C5orf22: variants seen among roughly 807,000 people sequenced by gnomAD.
The protein encoded by C5orf22 is chromosome 5 open reading frame 22.
In C5orf22, 36 loss-of-function variants were observed where a neutral mutation model predicts 48.7. The observed-to-expected ratio is 0.74, with a 90% confidence interval of 0.57 to 0.98. The LOEUF (loss-of-function observed/expected upper bound fraction) is 0.98. C5orf22 is among the 50% of genes least tolerant of loss of function. The pLI is 0.00. For synonymous variants in C5orf22, 141 were observed against 180.8 expected, an observed-to-expected ratio of 0.78 and a Z score of 1.76; for missense variants, 486 against 521.9, an observed-to-expected ratio of 0.93 and a Z score of 0.67.
chr5:31,532,304 C>A lies in C5orf22; in HGVS notation c.-89C>A, dbSNP rs544789295. On this transcript the variant is annotated 5_prime_UTR_variant, in exon 1 of 9. Transcript: ENST00000325366. ...AACCGGGTGAGGGAGCGCTTCCGCC[C>A]GGAGAGAGCTGGCCGGGATGAGGCG... is the stretch of plus-strand genomic sequence containing the variant. 3 of 1,378,692 alleles carry A rather than the reference C, an allele frequency of 2.2e-6. No homozygotes were observed. Among genetic ancestry groups the A allele is most frequent in the Non-Finnish European group, 3.1e-6 (3 of 970,316 alleles). The allele number at this position is 1,378,692 out of a possible 1,614,324, so 85.4% of individuals were successfully genotyped here.
At position 31,535,827 on chromosome 5, in the gene C5orf22, C is replaced by G. The variant is rs200760829; in HGVS notation, c.311C>G (p.Ala104Gly). The G allele has an allele frequency of 2.5e-6, 4 of 1,613,512 alleles. No individual in the cohort carries two copies. In the Admixed American group the frequency reaches 5.0e-5, roughly 20 times the overall value. The change falls in exon 3 of 9, where the codon GCT (alanine) becomes GGT (glycine). Residue 104 changes from alanine to glycine, a missense_variant. By Grantham distance (60) the Ala-to-Gly change is moderately conservative (BLOSUM62 0). Coordinates refer to ENST00000325366, the MANE Select transcript of C5orf22 (RefSeq NM_018356.3). ...GTAATATGGTTTCATCCCACATGGG[C>G]TCAGCAGATCAGAGAGGGCAGACAC... Reference protein sequence around the residue: ...SHVIWFHPTWAQQIREGRHHF... With the variant: ...SHVIWFHPTWGQQIREGRHHF...
chr5:31,535,417 A>AT (rs1742012505), intron 2 of C5orf22, among the ~76,000 whole-genome samples: 1 of 152,204 alleles, frequency 6.6e-6, no homozygotes, highest in Non-Finnish European at 1.5e-5. Context: ...TTTTATATTT[A>AT]TTTATTTATT....
intron 7 of C5orf22, among the ~76,000 whole-genome samples, chr5:31,547,444 G>T (rs1287465467): frequency 6.6e-6 from 1 of 152,238 alleles, no homozygotes; most frequent in Non-Finnish European, 1.5e-5. Flanking sequence ...GGGACTCTCA[G>T]TGGGGATCCG....
At chr5:31,540,607 A>G (rs1742393184) in intron 4 of C5orf22, among the ~76,000 whole-genome samples, 1 of 152,222 alleles carries the variant, frequency 6.6e-6, no homozygotes, top group Admixed American at 6.5e-5. Context: ...CATGGCATTT[A>G]TATAGCAGAA....
chr5:31,548,086 G>A (rs1227758109), intron 7 of C5orf22, among the ~76,000 whole-genome samples: 7 of 152,164 alleles, frequency 4.6e-5, no homozygotes, highest in African/African-American at 1.7e-4. Flanking sequence ...CGGATCATTT[G>A]AGGCCAGGAG....
At chr5:31,548,477 A>G (rs1312855064) in intron 7 of C5orf22, 2 of 399,498 alleles carry the variant, frequency 5.0e-6, no homozygotes, top group Non-Finnish European at 9.9e-6. Flanking sequence ...AACAAGAGTC[A>G]CCTTTGTTCC....
chr5:31,544,011 C>G (rs760274514), intron 6 of C5orf22, among the ~76,000 whole-genome samples: 1 of 152,116 alleles, frequency 6.6e-6, no homozygotes, highest in African/African-American at 2.4e-5. Flanking sequence ...TCTCCCCAAA[C>G]CAACCATGAC....
chr5:31,541,545 C>A, intron 6 of C5orf22, 143 bp downstream of exon 6: 1 of 773,360 alleles, frequency 1.3e-6, no homozygotes, highest in Non-Finnish European at 2.1e-6. Context: ...CACTTGAGGC[C>A]AGGAGTTCCA....
chr5:31,535,973 T>C, intron 3 of C5orf22, 80 bp downstream of exon 3: 1 of 1,385,990 alleles, frequency 7.2e-7, no homozygotes, highest in Non-Finnish European at 1.0e-6. Context: ...ACTTCATAAG[T>C]CTCTGCACAC....
At chr5:31,534,543 C>T in intron 2 of C5orf22, 126 bp downstream of exon 2, 1 of 848,598 alleles carries the variant, frequency 1.2e-6, no homozygotes, top group East Asian at 2.6e-5. Context: ...GTCTTTTTGT[C>T]TTTTTCATTT....
In C5orf22 at chr5:31,538,265, C is replaced by T. The variant is rs759898149; in HGVS notation, c.383C>T (p.Thr128Ile). The T allele has an allele frequency of 2.3e-5, 37 of 1,590,320 alleles. No homozygotes were observed. Among genetic ancestry groups the T allele is most frequent in the Non-Finnish European group, 3.0e-5 (35 of 1,167,024 alleles). The change falls in exon 4 of 9, where the codon ACA becomes ATA. Residue 128 changes from threonine to isoleucine, a missense_variant. Thr to Ile is a moderately conservative substitution (Grantham distance 89). This residue lies in a region of C5orf22 where 408 missense variants were observed against 444.0 expected (regional missense o/e 0.92). Coordinates refer to ENST00000325366, the MANE Select transcript of C5orf22 (RefSeq NM_018356.3). ...CGTTTTTTCCTCTGATTCAGGGTTA[C>T]AAGTACAGATCATTATTTCCTAAGT... ...KDTSTTTIRV[T>I]STDHYFLSDG...
chr5:31,541,068 C>T lies in C5orf22; in HGVS notation c.870+57C>T. Reference sequence around the variant, plus strand: ...TCATTTATCATATAACTAATAATATCTTGCAAATTACCACAGTGATCTCAA... The same window carrying T: ...TCATTTATCATATAACTAATAATATTTTGCAAATTACCACAGTGATCTCAA... On this transcript the variant is annotated intron_variant, in intron 5 of 8. Transcript: ENST00000325366. The T allele has an allele frequency of 1.3e-5, 18 of 1,367,272 alleles. No individual in the cohort carries two copies. The South Asian group carries it at 2.0e-4, about 15-fold the overall frequency. 84.7% of individuals were successfully genotyped at this position (1,367,272 alleles called of 1,614,324 possible). A position where few individuals can be genotyped will look rare whatever the true frequency, so the allele number is the denominator to read the frequency against.
At position 31,552,838 on chromosome 5, in the gene C5orf22, T is replaced by C; in HGVS notation, c.1265T>C (p.Met422Thr). 6.2e-7 allele frequency: 1 copy of C among 1,613,718 alleles called. No individual in the cohort carries two copies. Residue 422 changes from methionine to threonine, a missense_variant, in exon 9 of 9, where the codon ATG becomes ACG. Around this residue, in one of 3 missense-constraint regions of C5orf22, gnomAD observed 408 missense variants for 444.0 expected, o/e 0.92. Coordinates refer to ENST00000325366, the MANE Select transcript of C5orf22 (RefSeq NM_018356.3). ...VDTIQEKVLN[M>T]LRALYGNLDL... is the part of the protein sequence containing the mutation. Reference sequence around the variant, plus strand: ...ACTATTCAAGAAAAGGTCCTCAATATGCTACGTGCCCTCTATGGAAATCTA... The same window carrying C: ...ACTATTCAAGAAAAGGTCCTCAATACGCTACGTGCCCTCTATGGAAATCTA...
rs1380341110 is a variant in C5orf22 at position 31,534,378 on chromosome 5, T to C, written c.188T>C (p.Met63Thr). 6.2e-7 allele frequency: 1 copy of C among 1,613,020 alleles called. No homozygotes were observed. The highest frequency in any genetic ancestry group is 8.5e-7 in the Non-Finnish European group (1 of 1,179,752). Residue 63 changes from methionine (M) to threonine (T), a missense_variant, in exon 2 of 9, where the codon ATG (methionine) becomes ACG (threonine). This residue lies in a region of C5orf22 where 408 missense variants were observed against 444.0 expected (regional missense o/e 0.92). Coordinates refer to ENST00000325366, the MANE Select transcript of C5orf22 (RefSeq NM_018356.3). ...CCAGACCTCCTTATTCCTGTGAATA[T>C]GCCAGCAGACACCGTGTTTGATAAG... ...SHPDLLIPVN[M>T]PADTVFDKET... is the part of the protein sequence containing the mutation.
At chr5:31,537,970 G>A (rs1170173081) in intron 3 of C5orf22, among the ~76,000 whole-genome samples, 2 of 152,192 alleles carry the variant, frequency 1.3e-5, no homozygotes, top group East Asian at 1.9e-4. Context: ...GGGAACAGGA[G>A]AACAAAGCTC....
Position 31,535,904 on chromosome 5 carries a change from C to T in C5orf22, c.377+11C>T, listed in dbSNP as rs1742041558. 1 of 1,608,916 alleles carries T rather than the reference C, an allele frequency of 6.2e-7. No individual in the cohort carries two copies. Among genetic ancestry groups the T allele is most frequent in the South Asian group, 1.1e-5 (1 of 89,450 alleles). ...TACCACAACAATCAGGTAATTTCCT[C>T]ATATTTGTGAATATGGAAGTGATTG... On this transcript the variant is annotated intron_variant, in intron 3 of 8. Coordinates refer to ENST00000325366, the MANE Select transcript of C5orf22 (RefSeq NM_018356.3).
chr5:31,544,379 C>G (rs563544256), intron 6 of C5orf22, among the ~76,000 whole-genome samples: 1 of 152,044 alleles, frequency 6.6e-6, no homozygotes, highest in Non-Finnish European at 1.5e-5. Context: ...GTCAGGAGAT[C>G]GAAACCATCC....
rs140114209 is a variant in C5orf22, at chr5:31,549,622, T to C, written c.1060-1671T>C. On this transcript the variant is annotated intron_variant, in intron 7 of 8. Coordinates refer to ENST00000325366, the MANE Select transcript of C5orf22 (RefSeq NM_018356.3). Reference sequence around the variant, plus strand: ...CAGGAGCAGTGGCTCATACCTGTAATCCCAGCACTTTGGGAGGCCAAGGCA... The same window carrying C: ...CAGGAGCAGTGGCTCATACCTGTAACCCCAGCACTTTGGGAGGCCAAGGCA... Among the ~76,000 whole-genome samples, 214 of 152,290 alleles carry C rather than the reference T, an allele frequency of 1.4e-3. 1 individual carries two copies. The highest frequency in any genetic ancestry group is 6.8e-3 in the Middle Eastern group (2 of 294).
intron 7 of C5orf22, among the ~76,000 whole-genome samples, chr5:31,550,685 CAGG>C (rs1743198816): frequency 6.6e-6 from 1 of 151,996 alleles, no homozygotes; most frequent in Non-Finnish European, 1.5e-5. Context: ...CCTGCCTTAG[CAGG>C]AGAAGCTGGG....
Sources: gnomAD v4.1 joint callset for allele counts (sites outside exome capture counted in the v4.1 genomes callset) on GRCh38, gnomAD v4.1.1 for gene constraint, gnomAD v4.1.1 regional missense constraint, MANE v1.5 for transcripts, NCBI Gene and HGNC (gene_info 2026-07-23, HGNC 2026-07-21) for gene names.